The following LIPA variants were observed in gnomAD, a reference collection of about 807,000 sequenced individuals.
LIPA encodes the protein lipase A, lysosomal acid type.
LIPA carries 26 observed loss-of-function variants against 40.6 expected under a neutral mutation model. That is an observed-to-expected ratio of 0.64 (90% CI 0.47 to 0.89). LIPA has a LOEUF of 0.89. Among genes scored for constraint, LIPA ranks in the 40% least tolerant of loss-of-function variants. LIPA has a pLI of 0.00. For missense variants in LIPA, 455 were observed against 479.6 expected, an observed-to-expected ratio of 0.95 and a Z score of 0.48; for synonymous variants, 188 against 168.4, an observed-to-expected ratio of 1.12 and a Z score of -0.90.
intron 1 of LIPA, among the ~76,000 whole-genome samples, chr10:89,303,901 G>A (rs1331924959): frequency 1.3e-5 from 2 of 152,154 alleles, no homozygotes; most frequent in African/African-American, 4.8e-5. Flanking sequence ...GTCATATTCT[G>A]TAGGACTCAC....
chr10:89,272,328 T>C (rs557745945), intron 1 of LIPA, among the ~76,000 whole-genome samples: 1 of 152,276 alleles, frequency 6.6e-6, no homozygotes, highest in East Asian at 1.9e-4. Flanking sequence ...AGCTCCCTCT[T>C]ATAAGTGAGA....
At chr10:89,257,323 A>G (rs1363812818) in intron 1 of LIPA, among the ~76,000 whole-genome samples, 1 of 152,228 alleles carries the variant, frequency 6.6e-6, no homozygotes, top group Admixed American at 6.5e-5. Context: ...TTTCACAACT[A>G]TAAAAAGAAA....
At chr10:89,385,861 C>T (rs1461907705) in intron 2 of LIPA, among the ~76,000 whole-genome samples, 1 of 152,156 alleles carries the variant, frequency 6.6e-6, no homozygotes, top group Non-Finnish European at 1.5e-5. Flanking sequence ...CACCTAAGAG[C>T]TTTGCTAAGA....
chr10:89,244,510 A>G (rs2133461876), intron 3 of LIPA, among the ~76,000 whole-genome samples: 1 of 152,306 alleles, frequency 6.6e-6, no homozygotes, highest in South Asian at 2.1e-4. Context: ...TGAACCTGGG[A>G]GGCGGAGGTT....
chr10:89,341,776 C>T (rs527492103), intron 1 of LIPA, among the ~76,000 whole-genome samples: 1 of 152,182 alleles, frequency 6.6e-6, no homozygotes, highest in Non-Finnish European at 1.5e-5. Context: ...TATTCACAGA[C>T]ATAGTATATG....
rs890456612 is a variant in LIPA at position 89,332,362 on chromosome 10, T to G, written c.-2+10249A>C. 13 of 769,548 alleles carry G rather than the reference T, an allele frequency of 1.7e-5. No homozygotes were observed. The African/African-American group carries it at 2.1e-4, about 13-fold the overall frequency. 47.7% of individuals were successfully genotyped at this position (769,548 alleles called of 1,614,324 possible). A position where few individuals can be genotyped will look rare whatever the true frequency, so the allele number is the denominator to read the frequency against. ...CTTTTTACAGTGCCTTTTTACAACT[T>G]TCAAACCACAGTTTTCCAAATCTGT... On this transcript the variant is annotated intron_variant, in intron 1 of 5. Coordinates refer to the LIPA transcript ENST00000282673.
intron 2 of LIPA, among the ~76,000 whole-genome samples, chr10:89,381,510 T>C (rs1284347045): frequency 6.6e-6 from 1 of 152,100 alleles, no homozygotes; most frequent in Non-Finnish European, 1.5e-5. Flanking sequence ...TACAGTCCTA[T>C]CCTAAAGCAA....
chr10:89,324,442 TTC>T (rs1843588452), intron 1 of LIPA, among the ~76,000 whole-genome samples: 1 of 152,142 alleles, frequency 6.6e-6, no homozygotes, highest in African/African-American at 2.4e-5. Context: ...GGAAATACGA[TTC>T]TCAACATAGA....
At chr10:89,306,621 T>C (rs778078515) in intron 1 of LIPA, 5 of 1,613,906 alleles carry the variant, frequency 3.1e-6, no homozygotes, top group Non-Finnish European at 3.4e-6. Context: ...CTTCATAAGA[T>C]GCGTGAAGAA....
chr10:89,239,909 C>A (rs960914287), intron 3 of LIPA, among the ~76,000 whole-genome samples: 2 of 152,156 alleles, frequency 1.3e-5, no homozygotes, highest in African/African-American at 4.8e-5. Context: ...CATCTCCATG[C>A]CAAATTGCCT....
intron 2 of LIPA, among the ~76,000 whole-genome samples, chr10:89,374,238 T>C (rs569213863): frequency 2.0e-5 from 3 of 152,354 alleles, no homozygotes; most frequent in Admixed American, 6.5e-5. Context: ...ATTTCTCCAA[T>C]GCTTAAGTTT....
chr10:89,334,800 T>C (rs1451255161), intron 1 of LIPA, among the ~76,000 whole-genome samples: 1 of 152,140 alleles, frequency 6.6e-6, no homozygotes, highest in Non-Finnish European at 1.5e-5. Context: ...CACCTAGCTG[T>C]TCTTTATCAA....
At chr10:89,394,618 A>C (rs1844313146) in intron 2 of LIPA, among the ~76,000 whole-genome samples, 1 of 27,162 alleles carries the variant, frequency 3.7e-5, no homozygotes, top group Non-Finnish European at 6.0e-5. Context: ...ATATATATAT[A>C]TATATATATA....
rs146828050 is a variant in LIPA at position 89,412,547 on chromosome 10, C to T, written c.61+244G>A. 2.5e-3 allele frequency: 435 copies of T among 174,724 alleles called. 2 individuals are homozygous for T. The highest frequency in any genetic ancestry group is 7.2e-3 in the African/African-American group (302 of 41,784). The allele number at this position is 174,724 out of a possible 1,614,324, so 10.8% of individuals were successfully genotyped here. A position where few individuals can be genotyped will look rare whatever the true frequency, so the allele number is the denominator to read the frequency against. ...AACCTGCTCGGGTCTGCTTCCACGTCGTGGAAGTTTTGTTCTTTCGCTCTT... is the reference window on the plus strand; with the variant it reads ...AACCTGCTCGGGTCTGCTTCCACGTTGTGGAAGTTTTGTTCTTTCGCTCTT... On this transcript the variant is annotated intron_variant, in intron 2 of 8. Transcript: ENST00000371837.
intron 1 of LIPA, among the ~76,000 whole-genome samples, chr10:89,322,001 T>G (rs1388121523): frequency 6.6e-6 from 1 of 151,696 alleles, no homozygotes; most frequent in Non-Finnish European, 1.5e-5. Flanking sequence ...TTCTCACTCA[T>G]AAGTCGGAAC....
At chr10:89,402,134 G>T in intron 2 of LIPA, 1 of 622,936 alleles carries the variant, frequency 1.6e-6, no homozygotes. Flanking sequence ...AACAGTCCAT[G>T]AATAACTTAA....
At chr10:89,379,561 G>A (rs1844145766) in intron 2 of LIPA, among the ~76,000 whole-genome samples, 1 of 152,176 alleles carries the variant, frequency 6.6e-6, no homozygotes, top group Non-Finnish European at 1.5e-5. Flanking sequence ...TCTCCCATCT[G>A]ATGTTGCAGT....
chr10:89,326,525 A>T (rs1284604002), intron 1 of LIPA, among the ~76,000 whole-genome samples: 1 of 152,210 alleles, frequency 6.6e-6, no homozygotes, highest in Non-Finnish European at 1.5e-5. Flanking sequence ...TGTTTGTTAG[A>T]ACAAGAGGAT....
chr10:89,400,673 G>A (rs1474737641), intron 2 of LIPA, among the ~76,000 whole-genome samples: 1 of 152,092 alleles, frequency 6.6e-6, no homozygotes, highest in Non-Finnish European at 1.5e-5. Flanking sequence ...AGAATCCTTA[G>A]AATTTTCTAC....
Sources: gnomAD v4.1 joint callset for allele counts (sites outside exome capture counted in the v4.1 genomes callset) on GRCh38, gnomAD v4.1.1 for gene constraint, MANE v1.5 for transcripts, NCBI Gene and HGNC (gene_info 2026-07-23, HGNC 2026-07-21) for gene names.